SLF2: variants seen among roughly 807,000 people sequenced by gnomAD.
SLF2 encodes SMC5-SMC6 complex localization factor protein 2.
Under a neutral mutation model 124.3 loss-of-function variants are expected in SLF2, and 68 were observed. That is an observed-to-expected ratio of 0.55 (90% CI 0.45 to 0.67). The LOEUF (loss-of-function observed/expected upper bound fraction) is 0.67. SLF2 is among the 30% of genes least tolerant of loss of function. The pLI, the probability that SLF2 is intolerant of heterozygous loss-of-function variation, is 0.00. For missense variants in SLF2, 1,246 were observed against 1,373.7 expected (o/e 0.91, Z 1.47); for synonymous variants, 480 against 478.8 (o/e 1.00, Z -0.03).
intron 10 of SLF2, among the ~76,000 whole-genome samples, chr10:100,938,258 A>G (rs934337415): frequency 1.3e-5 from 2 of 152,250 alleles, no homozygotes; most frequent in African/African-American, 2.4e-5. Context: ...GATTGGGACT[A>G]TAAAGGCAAT....
intron 9 of SLF2, among the ~76,000 whole-genome samples, chr10:100,934,700 C>T (rs1164250684): frequency 6.6e-6 from 1 of 151,976 alleles, no homozygotes; most frequent in African/African-American, 2.4e-5. Context: ...GCAACCTCCA[C>T]ATCCCGAATT....
intron 11 of SLF2, among the ~76,000 whole-genome samples, chr10:100,942,511 T>A (rs1850000572): frequency 6.6e-6 from 1 of 152,120 alleles, no homozygotes; most frequent in South Asian, 2.1e-4. Context: ...TTTTTCTTTC[T>A]TCCTTAATAG....
chr10:100,935,842 T>G (rs1028078339), intron 9 of SLF2, among the ~76,000 whole-genome samples: 12 of 143,082 alleles, frequency 8.4e-5, no homozygotes, highest in African/African-American at 1.8e-4. Context: ...TTGGATTTTT[T>G]GGGTTTTTTT....
chr10:100,964,488 T>G lies in SLF2; in HGVS notation c.*2576T>G, dbSNP rs1053737657. On this transcript the variant is annotated 3_prime_UTR_variant, in exon 20 of 20. Coordinates refer to ENST00000238961, the MANE Select transcript of SLF2 (RefSeq NM_018121.4). Reference sequence around the variant, plus strand: ...TCTCCATGCACAAAATGCATTGATGTAGCCGTAAAGTAACAGCATTTGTAC... The same window carrying G: ...TCTCCATGCACAAAATGCATTGATGGAGCCGTAAAGTAACAGCATTTGTAC... 2 of 152,820 alleles carry G rather than the reference T, an allele frequency of 1.3e-5. No homozygotes were observed. The highest frequency in any genetic ancestry group is 1.3e-4 in the Admixed American group (2 of 15,306). The allele number at this position is 152,820 out of a possible 1,614,324, so 9.5% of individuals were successfully genotyped here.
intron 11 of SLF2, among the ~76,000 whole-genome samples, chr10:100,943,238 G>A (rs1850014668): frequency 1.3e-5 from 2 of 152,188 alleles, no homozygotes; most frequent in African/African-American, 4.8e-5. Flanking sequence ...GGAGCTCTGT[G>A]CCAGGAATTG....
intron 17 of SLF2, among the ~76,000 whole-genome samples, chr10:100,952,805 G>A (rs1209344568): frequency 1.3e-5 from 2 of 151,062 alleles, no homozygotes; most frequent in Non-Finnish European, 3.0e-5. Flanking sequence ...CGGGCGTGAT[G>A]GTGGGCACCT....
At chr10:100,950,978 C>T (rs983751571) in intron 17 of SLF2, among the ~76,000 whole-genome samples, 1 of 152,200 alleles carries the variant, frequency 6.6e-6, no homozygotes, top group African/African-American at 2.4e-5. Flanking sequence ...CCATGGCTCA[C>T]GCCTGTAATC....
In SLF2 at chr10:100,950,718, G is replaced by A. The variant is rs764260869; in HGVS notation, c.3295G>A (p.Val1099Ile). 5.6e-6 allele frequency: 9 copies of A among 1,613,938 alleles called. No individual in the cohort carries two copies. The Admixed American group carries it at 1.0e-4, about 18-fold the overall frequency. ...TYILLHLVGE[V>I]SCSHSFSSGQ... ...CATTCTTCTTCATTTAGTCGGTGAA[G>A]TTAGTTGTTCTCATTCTTTTTCTTC... Residue 1099 changes from valine (V) to isoleucine (I), a missense_variant, in exon 17 of 20, where the codon GTT becomes ATT. Val to Ile is a conservative substitution (Grantham distance 29, BLOSUM62 3). Transcript: ENST00000238961.
At chr10:100,936,030 T>A (rs1374336708) in intron 9 of SLF2, among the ~76,000 whole-genome samples, 1 of 151,460 alleles carries the variant, frequency 6.6e-6, no homozygotes, top group Non-Finnish European at 1.5e-5. Context: ...AGCTAATTTT[T>A]AAAAATTTTT....
chr10:100,961,641 C>A (rs1850429473), intron 19 of SLF2, among the ~76,000 whole-genome samples: 1 of 152,130 alleles, frequency 6.6e-6, no homozygotes, highest in Non-Finnish European at 1.5e-5. Flanking sequence ...TAAGCCCCTC[C>A]ATGTGTGCAG....
rs940938009 is a variant in SLF2 at position 100,932,731 on chromosome 10, G to A, written c.2436+1653G>A. 1.8e-3 allele frequency among the ~76,000 whole-genome samples: 275 copies of A among 151,296 alleles called. 1 individual carries two copies. Among genetic ancestry groups the A allele is most frequent in the African/African-American group, 2.8e-3 (117 of 41,194 alleles). On this transcript the variant is annotated intron_variant, in intron 9 of 19. Transcript: ENST00000238961. ...TGTGTGTGTGTGTGTGCGCGCGCGCGCGCGCGCACATTTGTAAATGTATTG... is the reference window on the plus strand; with the variant it reads ...TGTGTGTGTGTGTGTGCGCGCGCGCACGCGCGCACATTTGTAAATGTATTG...
At chr10:100,923,831 T>C (rs1270132980) in intron 4 of SLF2, 144 bp from the exon 5 acceptor site, 4 of 547,594 alleles carry the variant, frequency 7.3e-6, no homozygotes, top group Non-Finnish European at 1.1e-5. Context: ...AGTAACTCTT[T>C]TTCTGCATTC....
intron 11 of SLF2, chr10:100,943,526 C>G (rs58727602): frequency 0.061 from 9,338 of 152,284 alleles, 410 homozygotes; most frequent in East Asian, 0.25. Context: ...TCATGCATCT[C>G]CTTTTTCATG....
chr10:100,922,018 TTA>T (rs1564771077), intron 4 of SLF2, among the ~76,000 whole-genome samples: 2 of 152,228 alleles, frequency 1.3e-5, no homozygotes, highest in Non-Finnish European at 2.9e-5. Context: ...ATTTTTCAGA[TTA>T]TATATTGATC....
chr10:100,963,215 A>C lies in SLF2; in HGVS notation c.*1303A>C, dbSNP rs1850456136. ...CTGGACTTGATGTTTGCGGTTTGAG[A>C]GGCAAGAAAATAAAATAACTTTCTA... is the stretch of plus-strand genomic sequence containing the variant. On this transcript the variant is annotated 3_prime_UTR_variant, in exon 20 of 20. Transcript: ENST00000238961. The C allele has an allele frequency of 6.6e-6, 1 of 152,578 alleles. No individual in the cohort carries two copies. Among genetic ancestry groups the C allele is most frequent in the African/African-American group, 2.4e-5 (1 of 41,430 alleles). The allele number at this position is 152,578 out of a possible 1,614,324, so 9.5% of individuals were successfully genotyped here.
intron 17 of SLF2, among the ~76,000 whole-genome samples, chr10:100,956,152 T>G (rs1451405076): frequency 1.3e-5 from 2 of 152,112 alleles, no homozygotes; most frequent in African/African-American, 4.8e-5. Context: ...AAGGAAGGAC[T>G]CTTTAAATTT....
At chr10:100,934,644 T>A (rs930504175) in intron 9 of SLF2, among the ~76,000 whole-genome samples, 1 of 151,956 alleles carries the variant, frequency 6.6e-6, no homozygotes, top group Non-Finnish European at 1.5e-5. Context: ...ACAGAGTCTC[T>A]CTTGGTCTCT....
chr10:100,929,774 A>G (rs41291456), intron 7 of SLF2, 56 bp from the exon 8 acceptor site: 2 of 1,344,878 alleles, frequency 1.5e-6, no homozygotes, highest in Non-Finnish European at 2.0e-6. Flanking sequence ...GCTTTTAAAT[A>G]CAAAACTATA....
intron 19 of SLF2, among the ~76,000 whole-genome samples, chr10:100,960,030 G>A (rs759080747): frequency 1.4e-4 from 21 of 152,064 alleles, no homozygotes; most frequent in Non-Finnish European, 2.5e-4. Flanking sequence ...TCTGGACATC[G>A]GTAAATGAGA....
Sources: allele counts gnomAD v4.1 joint callset (sites outside exome capture counted in the v4.1 genomes callset), GRCh38; gene constraint gnomAD v4.1.1; transcripts MANE v1.5; gene names NCBI Gene and HGNC (gene_info 2026-07-23, HGNC 2026-07-21).